FMNL1: variants seen among roughly 807,000 people sequenced by gnomAD.
FMNL1 encodes formin like 1.
FMNL1 carries 43 observed loss-of-function variants against 121.3 expected under a neutral mutation model. The observed-to-expected ratio is 0.35, with a 90% CI of 0.28 to 0.46. The LOEUF (loss-of-function observed/expected upper bound fraction) is 0.46. FMNL1 is among the 20% of genes least tolerant of loss of function. The probability of loss-of-function intolerance (pLI) is 1.00; values close to 1 mark genes in which losing one functional copy is unlikely to be tolerated. For synonymous variants in FMNL1, 613 were observed against 613.5 expected (o/e 1.00, Z 0.01); for missense variants, 1,191 against 1,482.4 (o/e 0.80, Z 3.23).
chr17:45,229,157 C>T (rs577248692), intron 1 of FMNL1, among the ~76,000 whole-genome samples: 3 of 152,254 alleles, frequency 2.0e-5, no homozygotes, highest in East Asian at 1.9e-4. Context: ...GGCTCACTTT[C>T]GCAATAGGGG....
chr17:45,246,505 T>G lies in FMNL1; in HGVS notation c.3212T>G (p.Val1071Gly). The G allele has an allele frequency of 6.2e-7, 1 of 1,614,132 alleles. No homozygotes were observed. Among genetic ancestry groups the G allele is most frequent in the African/African-American group, 1.3e-5 (1 of 75,044 alleles). Residue 1071 changes from valine (V) to glycine (G), a missense_variant and splice_region_variant, in exon 26 of 27, where the codon GTG becomes GGG. Physicochemically the swap from Val to Gly is moderately radical, Grantham distance 109 (BLOSUM62 -3). Around this residue, in one of 4 missense-constraint regions of FMNL1, gnomAD observed 367 missense variants for 528.6 expected, o/e 0.69. Coordinates refer to ENST00000331495, the MANE Select transcript of FMNL1 (RefSeq NM_005892.4). Reference protein sequence around the residue: ...RDGAIEDIITVIKTVPFTART... With the variant: ...RDGAIEDIITGIKTVPFTART... ...CTTCACCTGCCCCACCCCCACTCAGTGATCAAGACGGTGCCCTTCACGGCC... is the reference window on the plus strand; with the variant it reads ...CTTCACCTGCCCCACCCCCACTCAGGGATCAAGACGGTGCCCTTCACGGCC...
In FMNL1 at chr17:45,241,496, C is replaced by A; in HGVS notation, c.1447C>A (p.Leu483Met). 6.3e-7 allele frequency: 1 copy of A among 1,579,488 alleles called. No homozygotes were observed. The change falls in exon 14 of 27, where the codon CTG (leucine) becomes ATG (methionine). Residue 483 changes from leucine to methionine, a missense_variant. Physicochemically the swap from Leu to Met is conservative, Grantham distance 15. Around this residue, in one of 4 missense-constraint regions of FMNL1, gnomAD observed 519 missense variants for 492.8 expected, o/e 1.05. Transcript: ENST00000331495. The surrounding 1 kb of genome is among the most constrained non-coding windows in gnomAD (Gnocchi z 7.0). ...PSALELKVEE[L>M]EEKGLIRILR... is the part of the protein sequence containing the mutation. ...GGCCCTGGAGCTGAAGGTGGAGGAGCTGGAGGAGAAGGGGTTAATCCGTAT... is the reference window on the plus strand; with the variant it reads ...GGCCCTGGAGCTGAAGGTGGAGGAGATGGAGGAGAAGGGGTTAATCCGTAT...
intron 19 of FMNL1, among the ~76,000 whole-genome samples, chr17:45,244,540 T>C (rs2043785543): frequency 6.6e-6 from 1 of 152,214 alleles, no homozygotes; most frequent in Admixed American, 6.5e-5. Flanking sequence ...GGACAGGCAG[T>C]GACCACACAG....
rs768445927 is a variant in FMNL1, at chr17:45,246,526, C to G, written c.3233C>G (p.Thr1078Arg). 9 of 1,613,972 alleles carry G rather than the reference C, an allele frequency of 5.6e-6. 1 individual carries two copies. The Admixed American group carries it at 6.7e-5, about 12-fold the overall frequency. The change falls in exon 26 of 27, where the codon ACG becomes AGG. Residue 1078 changes from threonine (T) to arginine (R), a missense_variant. This residue lies in a region of FMNL1 where 367 missense variants were observed against 528.6 expected (regional missense o/e 0.69). Transcript: ENST00000331495. Reference sequence around the variant, plus strand: ...TCAGTGATCAAGACGGTGCCCTTCACGGCCCGCACCGGCAAGCGGACATCC... The same window carrying G: ...TCAGTGATCAAGACGGTGCCCTTCAGGGCCCGCACCGGCAAGCGGACATCC... ...IITVIKTVPF[T>R]ARTGKRTSRL...
chr17:45,235,476 G>A (rs1249143957), intron 6 of FMNL1, among the ~76,000 whole-genome samples: 1 of 152,226 alleles, frequency 6.6e-6, no homozygotes, highest in Non-Finnish European at 1.5e-5. Context: ...GGCAGGAGGG[G>A]GTGAAGGCGG....
chr17:45,229,208 G>T (rs973537074), intron 1 of FMNL1, among the ~76,000 whole-genome samples: 5 of 152,222 alleles, frequency 3.3e-5, no homozygotes, highest in African/African-American at 1.2e-4. Context: ...CGCTGGGGGC[G>T]GGGGGCCTGG....
Position 45,237,487 on chromosome 17 carries a change from C to G in FMNL1, c.801-59C>G, listed in dbSNP as rs114245235. 1,153 of 1,610,750 alleles carry G rather than the reference C, an allele frequency of 7.2e-4. 8 individuals carry two copies. In the African/African-American group the frequency reaches 0.014, roughly 19 times the overall value. ...ATGCTCCTCCTAGCCAGGCCTGTGC[C>G]CACCCTTGCCGCGGGTCCTGCCTGT... On this transcript the variant is annotated intron_variant, in intron 8 of 26. Coordinates refer to ENST00000331495, the MANE Select transcript of FMNL1 (RefSeq NM_005892.4). The surrounding 1 kb of genome is among the most constrained non-coding windows in gnomAD (Gnocchi z 4.4).
At position 45,237,558 on chromosome 17, in the gene FMNL1, G is replaced by C. The variant is rs1325787123; in HGVS notation, c.813G>C (p.Leu271=). The C allele has an allele frequency of 1.9e-6, 3 of 1,614,192 alleles. No individual in the cohort carries two copies. The highest frequency in any genetic ancestry group is 1.7e-5 in the Admixed American group (1 of 60,024). The change falls in exon 9 of 27, where the codon CTG becomes CTC. Residue 271 remains leucine (L), a synonymous_variant. Transcript: ENST00000331495. The surrounding 1 kb of genome is among the most constrained non-coding windows in gnomAD (Gnocchi z 4.4). ...LNNKNPRTKA[L]VLELLAAVCL... is the part of the protein sequence containing the mutation. Reference sequence around the variant, plus strand: ...CTTCTCTCTCCAGAACCAAGGCTCTGGTGCTGGAGCTGCTGGCGGCCGTGT... The same window carrying C: ...CTTCTCTCTCCAGAACCAAGGCTCTCGTGCTGGAGCTGCTGGCGGCCGTGT...
At chr17:45,245,611 G>A (rs1467099893) in intron 22 of FMNL1, 21 bp from the exon 23 acceptor site, 5 of 1,613,088 alleles carry the variant, frequency 3.1e-6, no homozygotes, top group Admixed American at 1.7e-5. Flanking sequence ...AAGCTGGGGG[G>A]CTGACAGGCT....
chr17:45,237,730 C>G lies in FMNL1; in HGVS notation c.894+91C>G. 1 of 1,422,210 alleles carries G rather than the reference C, an allele frequency of 7.0e-7. No individual in the cohort carries two copies. Among genetic ancestry groups the G allele is most frequent in the Non-Finnish European group, 9.8e-7 (1 of 1,017,314 alleles). The allele number at this position is 1,422,210 out of a possible 1,614,324, so 88.1% of individuals were successfully genotyped here. On this transcript the variant is annotated intron_variant, in intron 9 of 26. Coordinates refer to ENST00000331495, the MANE Select transcript of FMNL1 (RefSeq NM_005892.4). The surrounding 1 kb of genome is among the most constrained non-coding windows in gnomAD (Gnocchi z 4.4). The stretch of plus-strand genomic sequence containing the variant: ...CAGTTGTGGCCTTTGCTGGAGGCAG[C>G]TGGGGACATTGGGTGGGCATTTGGG...
At chr17:45,229,947 T>C (rs2043404745) in intron 1 of FMNL1, among the ~76,000 whole-genome samples, 1 of 152,162 alleles carries the variant, frequency 6.6e-6, no homozygotes, top group Admixed American at 6.5e-5. Flanking sequence ...GATCTGGAAC[T>C]CCCTGCCTGC....
Position 45,237,569 on chromosome 17 carries a change from T to C in FMNL1, c.824T>C (p.Leu275Pro). ...NPRTKALVLE[L>P]LAAVCLVRGG... ...AGAACCAAGGCTCTGGTGCTGGAGC[T>C]GCTGGCGGCCGTGTGCTTGGTGCGG... Residue 275 changes from leucine (L) to proline (P), a missense_variant, in exon 9 of 27, where the codon CTG becomes CCG. This residue lies in a region of FMNL1 where 253 missense variants were observed against 417.5 expected (regional missense o/e 0.61). Coordinates refer to ENST00000331495, the MANE Select transcript of FMNL1 (RefSeq NM_005892.4). This position sits in a 1 kb window ranked among gnomAD's most constrained non-coding sequence, Gnocchi z 4.4. 1 of 1,614,222 alleles carries C rather than the reference T, an allele frequency of 6.2e-7. No individual in the cohort carries two copies. Among genetic ancestry groups the C allele is most frequent in the Non-Finnish European group, 8.5e-7 (1 of 1,180,026 alleles).
rs1300520888 is a variant in FMNL1 at position 45,237,765 on chromosome 17, A to G, written c.894+126A>G. The G allele has an allele frequency of 3.0e-6, 3 of 1,014,678 alleles. No homozygotes were observed. The highest frequency in any genetic ancestry group is 3.0e-6 in the Non-Finnish European group (2 of 668,914). The allele number at this position is 1,014,678 out of a possible 1,614,324, so 62.9% of individuals were successfully genotyped here. ...TGGGTGGGCATTTGGGGAACGCCCA[A>G]AAGTTGAAGTTGAGCCACATCACTG... is the stretch of plus-strand genomic sequence containing the variant. On this transcript the variant is annotated intron_variant, in intron 9 of 26. Coordinates refer to ENST00000331495, the MANE Select transcript of FMNL1 (RefSeq NM_005892.4). This position sits in a 1 kb window ranked among gnomAD's most constrained non-coding sequence, Gnocchi z 4.4.
Position 45,231,936 on chromosome 17 carries a change from C to T in FMNL1, c.214-431C>T, listed in dbSNP as rs1023261851. ...GCAGGACTGACCCCTGCATAGTCCA[C>T]CCCAAAGCTGTGTCAGGGCTGTGGC... is the stretch of plus-strand genomic sequence containing the variant. On this transcript the variant is annotated intron_variant, in intron 2 of 26. Transcript: ENST00000331495. The surrounding 1 kb of genome is among the most constrained non-coding windows in gnomAD (Gnocchi z 4.7). Among the ~76,000 whole-genome samples, 1 of 152,162 alleles carries T rather than the reference C, an allele frequency of 6.6e-6. No homozygotes were observed. Among genetic ancestry groups the T allele is most frequent in the African/African-American group, 2.4e-5 (1 of 41,426 alleles).
intron 3 of FMNL1, chr17:45,232,821 C>A: frequency 1.8e-6 from 1 of 570,638 alleles, no homozygotes; most frequent in Non-Finnish European, 3.3e-6. Context: ...ACCATTGAGT[C>A]CATATCTAGG....
chr17:45,222,172 G>A lies in FMNL1; in HGVS notation c.48G>A (p.Ala16=), dbSNP rs1449450265. The part of the protein sequence containing the change: ...GSAEQPAGPA[A]PPPKQPAPPK... ...CCGAGCAGCCCGCGGGCCCCGCCGC[G>A]CCGCCCCCCAAGCAGCCCGCGCCTC... The change falls in exon 1 of 27, where the codon GCG becomes GCA. Residue 16 remains alanine, a synonymous_variant. Coordinates refer to ENST00000331495, the MANE Select transcript of FMNL1 (RefSeq NM_005892.4). The A allele has an allele frequency of 3.3e-6, 4 of 1,220,438 alleles. No homozygotes were observed. Among genetic ancestry groups the A allele is most frequent in the Non-Finnish European group, 4.1e-6 (4 of 980,712 alleles). The allele number at this position is 1,220,438 out of a possible 1,614,324, so 75.6% of individuals were successfully genotyped here.
chr17:45,240,913 C>T (rs2043674726), intron 12 of FMNL1: 1 of 700,996 alleles, frequency 1.4e-6, no homozygotes, highest in Non-Finnish European at 2.4e-6. Context: ...GCTCAGTCTC[C>T]TCCTCTCCCT....
chr17:45,226,369 G>GTGGGGCGC (rs1486036403), intron 1 of FMNL1, among the ~76,000 whole-genome samples: 2 of 152,226 alleles, frequency 1.3e-5, no homozygotes, highest in Non-Finnish European at 2.9e-5. Context: ...AACAGGAAGC[G>GTGGGGCGC]TGGGGCGCTG....
At position 45,240,450 on chromosome 17, in the gene FMNL1, C is replaced by A. The variant is rs191564741; in HGVS notation, c.1081-26C>A. 2,857 of 1,595,952 alleles carry A rather than the reference C, an allele frequency of 1.8e-3. 8 individuals are homozygous for A. Among genetic ancestry groups the A allele is most frequent in the Non-Finnish European group, 1.8e-3 (2,057 of 1,169,998 alleles). On this transcript the variant is annotated intron_variant, in intron 11 of 26. Transcript: ENST00000331495. ...CCCCCCACACACACACCAGGCCTCA[C>A]CCCACTCCTTCCATCTGGGGGACAG... is the stretch of plus-strand genomic sequence containing the variant.
Sources: allele counts gnomAD v4.1 joint callset (sites outside exome capture counted in the v4.1 genomes callset), GRCh38; gene constraint gnomAD v4.1.1; regional missense constraint gnomAD v4.1.1; non-coding constraint Gnocchi (gnomAD v3.1); transcripts MANE v1.5; gene names NCBI Gene and HGNC (gene_info 2026-07-23, HGNC 2026-07-21).